NAV3: variants seen among roughly 807,000 people sequenced by gnomAD.
NAV3 encodes pore membrane and/or filament interacting like protein 1.
In NAV3, 87 loss-of-function variants were observed where a neutral mutation model predicts 244.7. The ratio of observed to expected loss-of-function variants is 0.36; its 90% CI spans 0.30 to 0.42. NAV3 has a LOEUF of 0.42. NAV3 is among the 20% of genes least tolerant of loss of function. The pLI is 1.00. For missense variants in NAV3, 2,663 were observed against 2,893.3 expected (o/e 0.92, Z 1.83); for synonymous variants, 1,126 against 1,042.2 (o/e 1.08, Z -1.55).
At position 77,777,700 on chromosome 12, in the gene NAV3, A is replaced by G. The variant is rs551820642; in HGVS notation, c.73-162619A>G. Among the ~76,000 whole-genome samples, 8 of 152,362 alleles carry G rather than the reference A, an allele frequency of 5.3e-5. No individual in the cohort carries two copies. In the South Asian group the frequency reaches 1.7e-3, roughly 32 times the overall value. On this transcript the variant is annotated intron_variant, in intron 2 of 8. Coordinates refer to the NAV3 transcript ENST00000550042. The stretch of plus-strand genomic sequence containing the variant: ...AGGATAATAAAGTAGACTACAAAAT[A>G]GTTCCATCAGTATAACTGCAACTTA...
chr12:77,891,301 T>G (rs1048213652), intron 1 of NAV3, among the ~76,000 whole-genome samples: 1 of 148,880 alleles, frequency 6.7e-6, no homozygotes, highest in Non-Finnish European at 1.5e-5. Context: ...AATATAAATT[T>G]ATAAAGATAA....
intron 3 of NAV3, among the ~76,000 whole-genome samples, chr12:77,951,503 C>T (rs184356800): frequency 1.2e-4 from 18 of 152,236 alleles, no homozygotes; most frequent in Admixed American, 5.2e-4. Flanking sequence ...TTGTGGAAGA[C>T]GGTGCGGCGG....
intron 1 of NAV3, among the ~76,000 whole-genome samples, chr12:77,934,238 T>A (rs1270504363): frequency 1.3e-5 from 2 of 152,086 alleles, no homozygotes; most frequent in South Asian, 2.1e-4. Flanking sequence ...TGCCCGAAGG[T>A]AGGATTCCTG....
Position 78,054,622 on chromosome 12 carries a change from G to A in NAV3, c.2516+3475G>A, listed in dbSNP as rs553294099. On this transcript the variant is annotated intron_variant, in intron 11 of 39. Transcript: ENST00000397909. Reference sequence around the variant, plus strand: ...CTCATAAGATTAGAAATATGGTAGTGGCATTTGTAGGGATAAAATTAGGAA... The same window carrying A: ...CTCATAAGATTAGAAATATGGTAGTAGCATTTGTAGGGATAAAATTAGGAA... Among the ~76,000 whole-genome samples the A allele has an allele frequency of 2.0e-5, 3 of 152,196 alleles. 1 individual carries two copies. The East Asian group carries it at 5.8e-4, about 29-fold the overall frequency.
chr12:78,116,697 G>A (rs1955396282), intron 12 of NAV3, 75 bp from the exon 13 acceptor site: 2 of 1,348,808 alleles, frequency 1.5e-6, no homozygotes, highest in Admixed American at 2.5e-5. Context: ...AATTGTGAAT[G>A]TTGCATGGAA....
chr12:77,851,819 GAA>G (rs1877575394), intron 1 of NAV3, among the ~76,000 whole-genome samples: 1 of 152,170 alleles, frequency 6.6e-6, no homozygotes, highest in South Asian at 2.1e-4. Context: ...GTAACTTCAT[GAA>G]AGACTACTAA....
At chr12:77,824,339 C>T (rs943056581) in intron 2 of NAV3, among the ~76,000 whole-genome samples, 19 of 149,388 alleles carry the variant, frequency 1.3e-4, no homozygotes, top group Admixed American at 2.7e-4. Flanking sequence ...GCAATCCATC[C>T]GCCTTGGCCT....
At chr12:77,989,895 AT>A (rs1330821774) in intron 5 of NAV3, among the ~76,000 whole-genome samples, 1 of 152,136 alleles carries the variant, frequency 6.6e-6, no homozygotes, top group Non-Finnish European at 1.5e-5. Flanking sequence ...TTCCATTTAA[AT>A]TTCTCATGGA....
rs571258502 is a variant in NAV3 at position 77,672,646 on chromosome 12, A to G, written c.72+100380A>G. ...GTATAAGCTATGAGGACACACAAGC[A>G]TAAGAATGATACATTGGACTTTGAG... is the stretch of plus-strand genomic sequence containing the variant. On this transcript the variant is annotated intron_variant, in intron 2 of 8. Coordinates refer to the NAV3 transcript ENST00000550042. Among the ~76,000 whole-genome samples, 12 of 152,158 alleles carry G rather than the reference A, an allele frequency of 7.9e-5. No individual in the cohort carries two copies. In the South Asian group the frequency reaches 1.2e-3, roughly 16 times the overall value.
At chr12:77,848,983 T>G (rs1877064527) in intron 1 of NAV3, among the ~76,000 whole-genome samples, 1 of 152,166 alleles carries the variant, frequency 6.6e-6, no homozygotes, top group Non-Finnish European at 1.5e-5. Flanking sequence ...AGCTTTTGAG[T>G]CTTTTGGGAA....
intron 2 of NAV3, among the ~76,000 whole-genome samples, chr12:77,755,350 C>T (rs1274053784): frequency 6.6e-6 from 1 of 152,042 alleles, no homozygotes; most frequent in Admixed American, 6.6e-5. Context: ...ATATTTTGAC[C>T]TCTTTGCTCA....
chr12:77,736,069 A>G (rs1877321574), intron 2 of NAV3, among the ~76,000 whole-genome samples: 1 of 152,202 alleles, frequency 6.6e-6, no homozygotes, highest in African/African-American at 2.4e-5. Context: ...AAACTTGTAA[A>G]AATATCTGTA....
intron 2 of NAV3, among the ~76,000 whole-genome samples, chr12:77,701,365 C>A (rs1875553521): frequency 6.6e-6 from 1 of 151,854 alleles, no homozygotes; most frequent in Admixed American, 6.6e-5. Flanking sequence ...TGTAAGCTCC[C>A]ATGAACATAT....
Position 78,128,666 on chromosome 12 carries a change from T to C in NAV3, c.4281-40T>C, listed in dbSNP as rs1384600824. On this transcript the variant is annotated intron_variant, in intron 17 of 39. Coordinates refer to ENST00000397909, the MANE Select transcript of NAV3 (RefSeq NM_001024383.2). ...TCCTGTCCTGGCATTGCCTTGCCCTTGTAGATGTGCTTAAGTGTCATAGCT... is the reference window on the plus strand; with the variant it reads ...TCCTGTCCTGGCATTGCCTTGCCCTCGTAGATGTGCTTAAGTGTCATAGCT... The C allele has an allele frequency of 2.5e-6, 4 of 1,592,376 alleles. No homozygotes were observed. The African/African-American group carries it at 4.0e-5, about 16-fold the overall frequency.
chr12:77,652,815 C>A (rs996288063), intron 2 of NAV3, among the ~76,000 whole-genome samples: 2 of 152,172 alleles, frequency 1.3e-5, no homozygotes, highest in African/African-American at 4.8e-5. Context: ...AATAGTAGAG[C>A]CCATTATCAA....
At chr12:78,151,325 A>G (rs1169556627) in intron 22 of NAV3, among the ~76,000 whole-genome samples, 2 of 152,100 alleles carry the variant, frequency 1.3e-5, no homozygotes, top group East Asian at 3.9e-4. Context: ...AGATCCACAC[A>G]AAAACCTGTA....
chr12:77,676,023 G>A (rs1874188312), intron 2 of NAV3, among the ~76,000 whole-genome samples: 1 of 152,044 alleles, frequency 6.6e-6, no homozygotes, highest in African/African-American at 2.4e-5. Context: ...CAGAAGGGCT[G>A]TCATCACATC....
At position 78,121,978 on chromosome 12, in the gene NAV3, C is replaced by T; in HGVS notation, c.3788C>T (p.Ala1263Val). The stretch of plus-strand genomic sequence containing the variant: ...AAGGCAGGTGGCAAATCTGCCTCTG[C>T]ACCTAATACTGAGGGTGTGAAATCT... ...GAKAGGKSAS[A>V]PNTEGVKSSS... Residue 1263 changes from alanine to valine, a missense_variant, in exon 16 of 40, where the codon GCA becomes GTA. Physicochemically the swap from Ala to Val is moderately conservative, Grantham distance 64. Transcript: ENST00000397909. 1 of 1,614,180 alleles carries T rather than the reference C, an allele frequency of 6.2e-7. No individual in the cohort carries two copies. The highest frequency in any genetic ancestry group is 8.5e-7 in the Non-Finnish European group (1 of 1,180,014).
rs1429024498 is a variant in NAV3 at position 77,656,639 on chromosome 12, A to C, written c.72+84373A>C. On this transcript the variant is annotated intron_variant, in intron 2 of 8. Transcript: ENST00000550042. ...GACATCTACAGAACTCTCCACCCCA[A>C]ATCAACAGAATATACATTTTTTTCA... Among the ~76,000 whole-genome samples, 3 of 137,448 alleles carry C rather than the reference A, an allele frequency of 2.2e-5. No homozygotes were observed. In the East Asian group the frequency reaches 5.9e-4, roughly 27 times the overall value. 90.2% of individuals were successfully genotyped at this position (137,448 alleles called of 152,430 possible).
Sources: allele counts gnomAD v4.1 joint callset (sites outside exome capture counted in the v4.1 genomes callset), GRCh38; gene constraint gnomAD v4.1.1; transcripts MANE v1.5; gene names NCBI Gene and HGNC (gene_info 2026-07-23, HGNC 2026-07-21).